HPSE2: variants seen among roughly 807,000 people sequenced by gnomAD.
The protein encoded by HPSE2 is inactive heparanase-2.
A neutral mutation model predicts 60.5 loss-of-function variants in HPSE2; 38 were observed. The ratio of observed to expected loss-of-function variants is 0.63; its 90% CI spans 0.48 to 0.82. The LOEUF (loss-of-function observed/expected upper bound fraction) is 0.82, where lower values mean the gene tolerates loss of function less well. Ranked by LOEUF, HPSE2 falls within the 40% of genes least tolerant of loss-of-function variation. The pLI is 0.00. For synonymous variants in HPSE2, 295 were observed against 293.2 expected, an observed-to-expected ratio of 1.01 and a Z score of -0.06; for missense variants, 713 against 740.4, an observed-to-expected ratio of 0.96 and a Z score of 0.43.
intron 6 of HPSE2, among the ~76,000 whole-genome samples, chr10:98,645,832 G>C (rs568293052): frequency 2.0e-5 from 3 of 151,974 alleles, no homozygotes; most frequent in Non-Finnish European, 4.4e-5. Flanking sequence ...CAATTAGCCG[G>C]GGCGTGGTGG....
intron 3 of HPSE2, among the ~76,000 whole-genome samples, chr10:98,866,282 G>A (rs1203451249): frequency 6.6e-6 from 1 of 152,016 alleles, no homozygotes; most frequent in Admixed American, 6.6e-5. Context: ...AAACATTAGT[G>A]AACTTGAAGG....
intron 9 of HPSE2, among the ~76,000 whole-genome samples, chr10:98,547,645 G>C (rs1244099983): frequency 7.8e-5 from 10 of 128,990 alleles, no homozygotes; most frequent in Non-Finnish European, 1.6e-5. Flanking sequence ...TCACACTCTG[G>C]GGACTGTTGT....
intron 2 of HPSE2, among the ~76,000 whole-genome samples, chr10:99,220,452 C>A (rs1849270554): frequency 6.6e-6 from 1 of 152,070 alleles, no homozygotes; most frequent in African/African-American, 2.4e-5. Flanking sequence ...GTATGCATGG[C>A]AAATGATCTG....
intron 4 of HPSE2, among the ~76,000 whole-genome samples, chr10:98,740,331 A>G (rs1370503786): frequency 1.3e-5 from 2 of 151,882 alleles, no homozygotes; most frequent in African/African-American, 4.8e-5. Context: ...GCATGCTACC[A>G]CGCCCAGCTA....
intron 9 of HPSE2, among the ~76,000 whole-genome samples, chr10:98,523,523 T>A (rs917559419): frequency 6.6e-6 from 1 of 152,230 alleles, no homozygotes; most frequent in African/African-American, 2.4e-5. Flanking sequence ...GATAGCTTAT[T>A]GAATCCCAAA....
intron 3 of HPSE2, among the ~76,000 whole-genome samples, chr10:98,933,489 T>G (rs1954699007): frequency 7.0e-6 from 1 of 143,878 alleles, no homozygotes; most frequent in South Asian, 2.1e-4. Context: ...TAGAGCTGAG[T>G]TCAAGTCCTG....
At chr10:98,777,292 A>C (rs1221561894) in intron 3 of HPSE2, among the ~76,000 whole-genome samples, 1 of 152,162 alleles carries the variant, frequency 6.6e-6, no homozygotes, top group Non-Finnish European at 1.5e-5. Context: ...CAAAACCTAA[A>C]AGCTATATAT....
At chr10:99,013,019 C>A in intron 3 of HPSE2, 1 of 401,030 alleles carries the variant, frequency 2.5e-6, no homozygotes, top group South Asian at 3.0e-5. Context: ...ATAAATATAT[C>A]TAAATCTTTA....
At chr10:98,628,911 A>C (rs1170918858) in intron 7 of HPSE2, among the ~76,000 whole-genome samples, 2 of 128,058 alleles carry the variant, frequency 1.6e-5, no homozygotes, top group African/African-American at 6.0e-5. Flanking sequence ...TTAAAAAAAG[A>C]AAAAAGAAAA....
intron 3 of HPSE2, among the ~76,000 whole-genome samples, chr10:99,119,159 T>C (rs1050738404): frequency 6.6e-6 from 1 of 151,070 alleles, no homozygotes. Context: ...AGCCAAACTA[T>C]ACCTGTTTAC....
intron 9 of HPSE2, among the ~76,000 whole-genome samples, chr10:98,498,732 G>A (rs1941933440): frequency 2.0e-5 from 3 of 152,118 alleles, no homozygotes; most frequent in Admixed American, 2.0e-4. Flanking sequence ...GAAGCCCAGT[G>A]CAAGGAAATC....
intron 3 of HPSE2, among the ~76,000 whole-genome samples, chr10:98,897,084 A>G (rs1953512272): frequency 6.6e-6 from 1 of 152,180 alleles, no homozygotes; most frequent in Non-Finnish European, 1.5e-5. Flanking sequence ...TAACTCAGGT[A>G]TGGAAAACCA....
intron 2 of HPSE2, among the ~76,000 whole-genome samples, chr10:99,152,960 T>A (rs1846340173): frequency 6.6e-6 from 1 of 152,106 alleles, no homozygotes; most frequent in African/African-American, 2.4e-5. Flanking sequence ...GGTCAGGGAG[T>A]TCCCTTTCCG....
chr10:98,550,800 G>A (rs1943841599), intron 9 of HPSE2, among the ~76,000 whole-genome samples: 1 of 149,446 alleles, frequency 6.7e-6, no homozygotes, highest in Admixed American at 6.6e-5. Context: ...GTAGAGATAG[G>A]GTCTTGCTTT....
chr10:98,986,690 T>C (rs28860252), intron 3 of HPSE2, among the ~76,000 whole-genome samples: 60,724 of 136,054 alleles, frequency 0.45, 14,760 homozygotes, highest in East Asian at 0.59. Flanking sequence ...TTCAAAAAAT[T>C]AATGAATCCA....
At chr10:98,796,828 G>C (rs1206783910) in intron 3 of HPSE2, among the ~76,000 whole-genome samples, 1 of 152,214 alleles carries the variant, frequency 6.6e-6, no homozygotes, top group East Asian at 1.9e-4. Flanking sequence ...AGTACAGACA[G>C]AGAGAGACTA....
In HPSE2 at chr10:98,602,117, G is replaced by C. The variant is rs12570903; in HGVS notation, c.1320+12787C>G. Among the ~76,000 whole-genome samples the C allele has an allele frequency of 1.1e-3, 169 of 152,210 alleles. 4 individuals carry two copies. The East Asian group carries it at 0.031, about 28-fold the overall frequency. ...GTAGTGAGTGATGCTGAGGAGTAAG[G>C]GTTCCCCAGTGTCCTATTTTTAATG... On this transcript the variant is annotated intron_variant, in intron 9 of 11. Transcript: ENST00000370552.
At chr10:99,224,235 A>G (rs529049074) in intron 2 of HPSE2, among the ~76,000 whole-genome samples, 11 of 152,234 alleles carry the variant, frequency 7.2e-5, no homozygotes, top group African/African-American at 2.6e-4. Context: ...ACTCAATTAG[A>G]TCATGAAAGC....
chr10:99,249,206 C>T, the HPSE2 span, among the ~76,000 whole-genome samples: 66 of 152,288 alleles, frequency 4.3e-4, no homozygotes, highest in Middle Eastern at 3.4e-3. Context: ...TACAGTGTGC[C>T]TGGGAAAGCT....
Sources: gnomAD v4.1 joint callset for allele counts (sites outside exome capture counted in the v4.1 genomes callset) on GRCh38, gnomAD v4.1.1 for gene constraint, MANE v1.5 for transcripts, NCBI Gene and HGNC (gene_info 2026-07-23, HGNC 2026-07-21) for gene names.